PPM1L: variants seen among roughly 807,000 people sequenced by gnomAD.
The protein encoded by PPM1L is protein phosphatase 1L.
A neutral mutation model predicts 31.4 loss-of-function variants in PPM1L; 13 were observed. The ratio of observed to expected loss-of-function variants is 0.41; its 90% CI spans 0.27 to 0.66. The LOEUF is 0.66. Among genes scored for constraint, PPM1L ranks in the 30% least tolerant of loss-of-function variants. PPM1L has a pLI of 0.29. For synonymous variants in PPM1L, 184 were observed against 175.4 expected, an observed-to-expected ratio of 1.05 and a Z score of -0.39; for missense variants, 326 against 453.7, an observed-to-expected ratio of 0.72 and a Z score of 2.56.
chr3:160,823,368 ATTT>A (rs199918303), intron 1 of PPM1L, among the ~76,000 whole-genome samples: 63 of 142,174 alleles, frequency 4.4e-4, no homozygotes, highest in African/African-American at 6.7e-4. Flanking sequence ...TGTATAAATG[ATTT>A]TTTTTTTTTT....
Position 161,078,273 on chromosome 3 carries a change from GTTC to G in PPM1L, c.*9121_*9123del, listed in dbSNP as rs370859198. 3.9e-5 allele frequency: 6 copies of G among 152,164 alleles called. No individual in the cohort carries two copies. The highest frequency in any genetic ancestry group is 7.3e-5 in the Non-Finnish European group (5 of 68,030). 9.4% of individuals were successfully genotyped at this position (152,164 alleles called of 1,614,324 possible). A position where few individuals can be genotyped will look rare whatever the true frequency, so the allele number is the denominator to read the frequency against. ...TGGGGAACAGTATAATGTCTCAGAAGTTCTTCTCTCTTATCCTGCTGATGTTGA... is the reference window on the plus strand; with the variant it reads ...TGGGGAACAGTATAATGTCTCAGAAGTTCTCTCTTATCCTGCTGATGTTGA... On this transcript the variant is annotated 3_prime_UTR_variant, in exon 4 of 4. Coordinates refer to ENST00000498165, the MANE Select transcript of PPM1L (RefSeq NM_139245.4).
chr3:160,987,417 G>A (rs141099756), intron 2 of PPM1L, among the ~76,000 whole-genome samples: 115 of 152,222 alleles, frequency 7.6e-4, no homozygotes, highest in African/African-American at 2.5e-3. Context: ...AGAACTATAC[G>A]TGAAAATAAT....
intron 1 of PPM1L, among the ~76,000 whole-genome samples, chr3:160,891,926 C>T (rs1346736467): frequency 6.6e-6 from 1 of 152,082 alleles, no homozygotes; most frequent in East Asian, 1.9e-4. Flanking sequence ...TGTTCTCACT[C>T]ATAACTGGGA....
At chr3:160,892,902 T>C (rs886805736) in intron 1 of PPM1L, among the ~76,000 whole-genome samples, 1 of 152,174 alleles carries the variant, frequency 6.6e-6, no homozygotes, top group Non-Finnish European at 1.5e-5. Flanking sequence ...AAATTATTAT[T>C]CTTTTGGCCA....
At chr3:160,846,523 A>T (rs1370905641) in intron 1 of PPM1L, among the ~76,000 whole-genome samples, 1 of 152,124 alleles carries the variant, frequency 6.6e-6, no homozygotes. Flanking sequence ...ACCTTGAAAG[A>T]TTGTTTCAAA....
At chr3:160,879,205 A>G (rs1023983760) in intron 1 of PPM1L, among the ~76,000 whole-genome samples, 3 of 152,172 alleles carry the variant, frequency 2.0e-5, no homozygotes, top group Non-Finnish European at 4.4e-5. Flanking sequence ...TGAGAAAGAA[A>G]TGCTACCTTT....
chr3:160,907,274 G>T (rs768754584), intron 1 of PPM1L, among the ~76,000 whole-genome samples: 1 of 152,120 alleles, frequency 6.6e-6, no homozygotes, highest in African/African-American at 2.4e-5. Flanking sequence ...AATATAGATA[G>T]TGAGAAATAA....
intron 1 of PPM1L, among the ~76,000 whole-genome samples, chr3:160,953,882 C>T (rs1275771394): frequency 3.9e-5 from 6 of 152,146 alleles, no homozygotes; most frequent in African/African-American, 9.7e-5. Flanking sequence ...CTTCCAATTA[C>T]GCAGCATTGA....
intron 1 of PPM1L, among the ~76,000 whole-genome samples, chr3:160,927,202 A>G (rs905895278): frequency 3.3e-5 from 5 of 152,234 alleles, no homozygotes; most frequent in Admixed American, 3.3e-4. Flanking sequence ...CACCAACGTC[A>G]ACAAAGGCCC....
intron 1 of PPM1L, among the ~76,000 whole-genome samples, chr3:160,863,936 A>G (rs905493545): frequency 6.6e-6 from 1 of 152,192 alleles, no homozygotes; most frequent in Non-Finnish European, 1.5e-5. Flanking sequence ...TGAGATGGAA[A>G]AAAACATCTA....
intron 1 of PPM1L, among the ~76,000 whole-genome samples, chr3:160,874,483 A>G (rs1320479292): frequency 6.6e-6 from 1 of 152,178 alleles, no homozygotes; most frequent in Non-Finnish European, 1.5e-5. Flanking sequence ...ATGGATTTCT[A>G]TTGCTTGTAA....
At chr3:160,997,723 T>C (rs1299024455) in intron 2 of PPM1L, among the ~76,000 whole-genome samples, 4 of 152,120 alleles carry the variant, frequency 2.6e-5, no homozygotes, top group Admixed American at 2.6e-4. Context: ...TAAAATTCTT[T>C]TGAAGAGTGG....
intron 1 of PPM1L, among the ~76,000 whole-genome samples, chr3:160,960,830 G>A (rs1169311273): frequency 6.6e-6 from 1 of 151,590 alleles, no homozygotes; most frequent in African/African-American, 2.4e-5. Flanking sequence ...AACTAGCAAT[G>A]GGATTCTCAA....
At chr3:161,026,014 T>TA (rs1320684745) in intron 2 of PPM1L, among the ~76,000 whole-genome samples, 1 of 152,110 alleles carries the variant, frequency 6.6e-6, no homozygotes. Context: ...ATAACAAACA[T>TA]AAAAAAATCT....
intron 2 of PPM1L, among the ~76,000 whole-genome samples, chr3:160,984,388 T>C (rs560491000): frequency 1.2e-4 from 19 of 152,344 alleles, no homozygotes; most frequent in Admixed American, 5.2e-4. Context: ...TTATCTCCCT[T>C]GTTCCCTGAA....
intron 1 of PPM1L, among the ~76,000 whole-genome samples, chr3:160,885,528 T>C (rs910821917): frequency 2.6e-5 from 4 of 152,278 alleles, no homozygotes; most frequent in Non-Finnish European, 4.4e-5. Context: ...ATATCCAGGT[T>C]CTCTCATCAG....
intron 1 of PPM1L, among the ~76,000 whole-genome samples, chr3:160,792,693 C>T (rs1044968324): frequency 1.3e-5 from 2 of 152,204 alleles, no homozygotes; most frequent in Non-Finnish European, 2.9e-5. Flanking sequence ...GGTTCCCAGA[C>T]TATCCAGACT....
chr3:160,902,821 G>A (rs551695979), intron 1 of PPM1L, among the ~76,000 whole-genome samples: 18 of 151,932 alleles, frequency 1.2e-4, no homozygotes, highest in East Asian at 5.8e-4. Context: ...CCTTTCTACC[G>A]TGTCCCTTGA....
At chr3:160,852,552 C>A (rs1711558514) in intron 1 of PPM1L, among the ~76,000 whole-genome samples, 1 of 152,162 alleles carries the variant, frequency 6.6e-6, no homozygotes, top group African/African-American at 2.4e-5. Context: ...TGACCTCATT[C>A]ATCCAAAGAA....
Sources: gnomAD v4.1 joint callset for allele counts (sites outside exome capture counted in the v4.1 genomes callset) on GRCh38, gnomAD v4.1.1 for gene constraint, MANE v1.5 for transcripts, NCBI Gene and HGNC (gene_info 2026-07-23, HGNC 2026-07-21) for gene names.